DNM2: variants seen among roughly 807,000 people sequenced by gnomAD.
DNM2 encodes dynamin 2.
A neutral mutation model predicts 99.0 loss-of-function variants in DNM2; 15 were observed. The observed-to-expected ratio is 0.15, with a 90% CI of 0.10 to 0.23. The LOEUF is 0.23. Among genes scored for constraint, DNM2 ranks in the 10% least tolerant of loss-of-function variants. DNM2 has a pLI of 1.00. For missense variants in DNM2, 742 were observed against 1,189.4 expected (o/e 0.62, Z 5.53); for synonymous variants, 525 against 481.2 (o/e 1.09, Z -1.19).
rs184429673 is a variant in DNM2, at chr19:10,726,756, C to G, written c.161+8353C>G. 5.9e-3 allele frequency among the ~76,000 whole-genome samples: 896 copies of G among 152,154 alleles called. 11 individuals carry two copies. The highest frequency in any genetic ancestry group is 0.02 in the African/African-American group (838 of 41,522). ...GCAGGCGCCTGTAATCCCAGCTATT[C>G]GGGAGGCTGAGGCGGAGAATCGCTT... On this transcript the variant is annotated intron_variant, in intron 1 of 20. Coordinates refer to ENST00000389253, the MANE Select transcript of DNM2 (RefSeq NM_001005361.3).
At chr19:10,808,196 T>A (rs1420033601) in intron 13 of DNM2, among the ~76,000 whole-genome samples, 9 of 151,746 alleles carry the variant, frequency 5.9e-5, no homozygotes, top group Non-Finnish European at 1.3e-4. Context: ...GCAAAATTTC[T>A]GCCTATGTCC....
At chr19:10,782,697 G>A (rs2071420101) in intron 5 of DNM2, among the ~76,000 whole-genome samples, 1 of 152,164 alleles carries the variant, frequency 6.6e-6, no homozygotes, top group Non-Finnish European at 1.5e-5. Flanking sequence ...TCAGCTTGTA[G>A]ATTTCATCTG....
intron 12 of DNM2, chr19:10,802,728 G>A (rs2072197336): frequency 2.8e-6 from 1 of 356,000 alleles, no homozygotes. Flanking sequence ...TTCATGGACA[G>A]CATCTCATGG....
intron 1 of DNM2, among the ~76,000 whole-genome samples, chr19:10,755,728 A>G (rs1267569669): frequency 6.6e-6 from 1 of 151,382 alleles, no homozygotes; most frequent in Non-Finnish European, 1.5e-5. Context: ...CAGTGATGCG[A>G]TCTCGGCTCA....
intron 5 of DNM2, 152 bp from the exon 6 acceptor site, chr19:10,782,808 A>G: frequency 9.4e-7 from 1 of 1,058,912 alleles, no homozygotes; most frequent in Non-Finnish European, 1.4e-6. Flanking sequence ...GTGCATTCGC[A>G]CCCTCTGTGT....
chr19:10,725,305 G>T (rs2069075983), intron 1 of DNM2, among the ~76,000 whole-genome samples: 1 of 152,114 alleles, frequency 6.6e-6, no homozygotes, highest in African/African-American at 2.4e-5. Context: ...AATTAGCCAG[G>T]TGTGGTGGCG....
chr19:10,827,878 A>G (rs956856489), intron 18 of DNM2, among the ~76,000 whole-genome samples: 11 of 149,646 alleles, frequency 7.4e-5, no homozygotes, highest in South Asian at 6.3e-4. Flanking sequence ...AAAAAAAAAG[A>G]AAAAAAAAAG....
chr19:10,730,843 G>T (rs1007096597), intron 1 of DNM2, among the ~76,000 whole-genome samples: 1 of 152,162 alleles, frequency 6.6e-6, no homozygotes, highest in Admixed American at 6.5e-5. Flanking sequence ...CTGCTCAGTG[G>T]CCCTGGCAGG....
rs1159624943 is a variant in DNM2, at chr19:10,796,931, A to G, written c.1197-449A>G. Reference sequence around the variant, plus strand: ...GGGCAGTCTGTGCTTGCGCGACCACAGTGTCCCCAGCGCTCCGGGTTGCCA... The same window carrying G: ...GGGCAGTCTGTGCTTGCGCGACCACGGTGTCCCCAGCGCTCCGGGTTGCCA... On this transcript the variant is annotated intron_variant, in intron 9 of 20. Coordinates refer to ENST00000389253, the MANE Select transcript of DNM2 (RefSeq NM_001005361.3). This position sits in a 1 kb window ranked among gnomAD's most constrained non-coding sequence, Gnocchi z 5.6. Among the ~76,000 whole-genome samples the G allele has an allele frequency of 6.6e-6, 1 of 152,106 alleles. No individual in the cohort carries two copies. Among genetic ancestry groups the G allele is most frequent in the African/African-American group, 2.4e-5 (1 of 41,432 alleles).
At chr19:10,827,089 A>G (rs2073164531) in intron 18 of DNM2, among the ~76,000 whole-genome samples, 1 of 152,026 alleles carries the variant, frequency 6.6e-6, no homozygotes. Flanking sequence ...ATCCCTATTT[A>G]AAACACACAC....
chr19:10,820,166 G>C lies in DNM2; in HGVS notation c.1781+77G>C, dbSNP rs1201200335. 19 of 1,404,868 alleles carry C rather than the reference G, an allele frequency of 1.4e-5. No individual in the cohort carries two copies. In the East Asian group the frequency reaches 3.9e-4, roughly 29 times the overall value. The allele number at this position is 1,404,868 out of a possible 1,614,324, so 87.0% of individuals were successfully genotyped here. ...ATTCACACTCCACAACCTTCACTGA[G>C]CACTGAGCACCTGGCTGTCAGCAGT... On this transcript the variant is annotated intron_variant, in intron 16 of 20. Transcript: ENST00000389253. The surrounding 1 kb of genome is among the most constrained non-coding windows in gnomAD (Gnocchi z 4.3).
rs1376739328 is a variant in DNM2 at position 10,801,800 on chromosome 19, G to T, written c.1423-488G>T. On this transcript the variant is annotated intron_variant, in intron 11 of 20. Transcript: ENST00000389253. Reference sequence around the variant, plus strand: ...GGCACCTGTAATCCCAGCTATTTGGGAGGCTGAGGCAGGAGAATCGCTTGA... The same window carrying T: ...GGCACCTGTAATCCCAGCTATTTGGTAGGCTGAGGCAGGAGAATCGCTTGA... Among the ~76,000 whole-genome samples, 7 of 149,990 alleles carry T rather than the reference G, an allele frequency of 4.7e-5. 1 individual carries two copies. Among genetic ancestry groups the T allele is most frequent in the Non-Finnish European group, 7.4e-5 (5 of 67,424 alleles).
intron 1 of DNM2, among the ~76,000 whole-genome samples, chr19:10,740,977 T>G (rs1289400620): frequency 6.6e-6 from 1 of 152,222 alleles, no homozygotes. Flanking sequence ...TGAGTCATGT[T>G]TTATGGCTTG....
At chr19:10,825,813 C>G (rs2073124826) in intron 18 of DNM2, among the ~76,000 whole-genome samples, 1 of 149,042 alleles carries the variant, frequency 6.7e-6, no homozygotes, top group Non-Finnish European at 1.5e-5. Context: ...AAGATCGTGC[C>G]ACTGCACTCC....
chr19:10,819,758 G>C (rs1190905111), intron 15 of DNM2, among the ~76,000 whole-genome samples: 1 of 152,170 alleles, frequency 6.6e-6, no homozygotes, highest in Non-Finnish European at 1.5e-5. Context: ...GAAGGCCCTG[G>C]GGTAGGAACC....
At chr19:10,782,342 T>TTTTTTCTTTTTCTTTTTCTTTTTC (rs57038484) in intron 5 of DNM2, among the ~76,000 whole-genome samples, 20 of 145,300 alleles carry the variant, frequency 1.4e-4, no homozygotes, top group African/African-American at 3.8e-4. Flanking sequence ...CCTTGAGATT[T>TTTTTTCTTTTTCTTTTTCTTTTTC]TTTTTCTTTT....
intron 1 of DNM2, among the ~76,000 whole-genome samples, chr19:10,750,312 C>T (rs2070147634): frequency 6.6e-6 from 1 of 151,856 alleles, no homozygotes; most frequent in Non-Finnish European, 1.5e-5. Context: ...GACCCTGTCT[C>T]TGCAAAAAAT....
chr19:10,775,635 G>A lies in DNM2; in HGVS notation c.386-68G>A, dbSNP rs542001920. The A allele has an allele frequency of 6.3e-7, 1 of 1,575,334 alleles. No individual in the cohort carries two copies. Among genetic ancestry groups the A allele is most frequent in the African/African-American group, 1.3e-5 (1 of 74,250 alleles). ...CAGGAACTTTGGTAGTCAGCTGGGT[G>A]GCTGCGGGCCTGTTTGTGCCTCCCC... On this transcript the variant is annotated intron_variant, in intron 3 of 20. Transcript: ENST00000389253. The surrounding 1 kb of genome is among the most constrained non-coding windows in gnomAD (Gnocchi z 4.3).
chr19:10,776,204 T>C (rs1447139592), intron 4 of DNM2, among the ~76,000 whole-genome samples: 2 of 152,204 alleles, frequency 1.3e-5, no homozygotes, highest in Non-Finnish European at 2.9e-5. Context: ...GATGCGATCT[T>C]AGGTCCCATC....
Sources: allele counts gnomAD v4.1 joint callset (sites outside exome capture counted in the v4.1 genomes callset), GRCh38; gene constraint gnomAD v4.1.1; non-coding constraint Gnocchi (gnomAD v3.1); transcripts MANE v1.5; gene names NCBI Gene and HGNC (gene_info 2026-07-23, HGNC 2026-07-21).